Variants in CCDC102B observed in about 807,000 individuals in gnomAD.
The protein encoded by CCDC102B is coiled-coil domain-containing protein 102B.
A neutral mutation model predicts 57.4 loss-of-function variants in CCDC102B; 75 were observed. The ratio of observed to expected loss-of-function variants is 1.31; its 90% CI spans 1.08 to 1.58. CCDC102B has a LOEUF of 1.58. CCDC102B is among the 40% of genes most tolerant of loss of function. The pLI is 0.00. For missense variants in CCDC102B, 636 were observed against 582.6 expected (o/e 1.09, Z -0.94); for synonymous variants, 206 against 201.9 (o/e 1.02, Z -0.17).
rs538341090 is a variant in CCDC102B at position 68,874,522 on chromosome 18, A to C, written c.937-147A>C. ...TATAACAATAAACAGTTCAACCACA[A>C]TCATTACATCATCAGCAACAAGCCT... is the stretch of plus-strand genomic sequence containing the variant. On this transcript the variant is annotated intron_variant, in intron 4 of 7. Transcript: ENST00000360242. 29 of 536,656 alleles carry C rather than the reference A, an allele frequency of 5.4e-5. No individual in the cohort carries two copies. The South Asian group carries it at 5.9e-4, about 11-fold the overall frequency. 33.2% of individuals were successfully genotyped at this position (536,656 alleles called of 1,614,324 possible). A position where few individuals can be genotyped will look rare whatever the true frequency, so the allele number is the denominator to read the frequency against.
At chr18:68,815,101 T>C (rs1386821979) in intron 1 of CCDC102B, among the ~76,000 whole-genome samples, 1 of 152,184 alleles carries the variant, frequency 6.6e-6, no homozygotes, top group African/African-American at 2.4e-5. Flanking sequence ...AATCATACAA[T>C]AATAAACATG....
intron 7 of CCDC102B, among the ~76,000 whole-genome samples, chr18:69,020,317 A>C (rs916624334): frequency 6.6e-6 from 1 of 152,158 alleles, no homozygotes; most frequent in Non-Finnish European, 1.5e-5. Context: ...GATGGCATTC[A>C]TGCTTTAAGT....
rs530957083 is a variant in CCDC102B at position 68,748,205 on chromosome 18, G to GGTATGTGTGTGTGT, written c.-67+31613_-67+31614insATGTGTGTGTGTGT. 2.8e-3 allele frequency among the ~76,000 whole-genome samples: 384 copies of GGTATGTGTGTGTGT among 137,590 alleles called. 7 individuals are homozygous for GGTATGTGTGTGTGT. The highest frequency in any genetic ancestry group is 4.3e-3 in the Non-Finnish European group (272 of 63,864). The allele number at this position is 137,590 out of a possible 152,430, so 90.3% of individuals were successfully genotyped here. On this transcript the variant is annotated intron_variant, in intron 2 of 3. Coordinates refer to the CCDC102B transcript ENST00000578970. ...TAGGTACTTTGTCCATTATTAAACT[G>GGTATGTGTGTGTGT]GTGTGTGTGTGTGTGTGTGTGTGTG...
rs1294287157 is a variant in CCDC102B at position 69,051,178 on chromosome 18, C to A, written c.1435-2852C>A. 2.0e-5 allele frequency among the ~76,000 whole-genome samples: 3 copies of A among 152,154 alleles called. No homozygotes were observed. In the East Asian group the frequency reaches 5.8e-4, roughly 29 times the overall value. On this transcript the variant is annotated intron_variant, in intron 7 of 7. Transcript: ENST00000360242. ...AGATTATAGATGTGAGCCTCTTTTCCTGGCCTAATAAGGCAATTTATACTA... is the reference window on the plus strand; with the variant it reads ...AGATTATAGATGTGAGCCTCTTTTCATGGCCTAATAAGGCAATTTATACTA...
chr18:68,838,737 T>G lies in CCDC102B; in HGVS notation c.638T>G (p.Leu213Ter). The change falls in exon 3 of 8, where the codon TTA becomes TGA. Residue 213 changes from leucine (L) to a stop codon, truncating the protein, a stop_gained. Transcript: ENST00000360242. LOFTEE classifies it high-confidence loss of function. ...EQGVVIDSLK[L>*]SEEMKPNLDG... ...GGTGTGGTTATTGATTCTCTAAAAT[T>G]AAGTGAGGAGATGAAGCCCAATCTA... 1.2e-6 allele frequency: 2 copies of G among 1,613,944 alleles called. No homozygotes were observed. Among genetic ancestry groups the G allele is most frequent in the Non-Finnish European group, 1.7e-6 (2 of 1,179,908 alleles).
chr18:69,001,860 T>C (rs1245564961), intron 6 of CCDC102B, among the ~76,000 whole-genome samples: 1 of 152,186 alleles, frequency 6.6e-6, no homozygotes, highest in Non-Finnish European at 1.5e-5. Flanking sequence ...TTGATTAATA[T>C]TCATCCCCTT....
At chr18:68,960,234 C>G (rs1181282277) in intron 6 of CCDC102B, among the ~76,000 whole-genome samples, 2 of 152,132 alleles carry the variant, frequency 1.3e-5, no homozygotes, top group Non-Finnish European at 2.9e-5. Context: ...CTGTATCCTT[C>G]CCTTTAAGGC....
intron 2 of CCDC102B, among the ~76,000 whole-genome samples, chr18:68,751,506 A>G (rs1026272448): frequency 4.6e-5 from 7 of 152,154 alleles, no homozygotes; most frequent in Non-Finnish European, 8.8e-5. Flanking sequence ...ACAAAACCAG[A>G]GCCCTGAATA....
chr18:68,928,885 G>GGAAA (rs2041569749), intron 6 of CCDC102B, among the ~76,000 whole-genome samples: 1 of 151,696 alleles, frequency 6.6e-6, no homozygotes, highest in Non-Finnish European at 1.5e-5. Flanking sequence ...GAGGAGTCGT[G>GGAAA]GTATCTAACC....
At chr18:69,002,203 A>G (rs2051221628) in intron 6 of CCDC102B, among the ~76,000 whole-genome samples, 1 of 152,212 alleles carries the variant, frequency 6.6e-6, no homozygotes, top group Non-Finnish European at 1.5e-5. Flanking sequence ...GAAAATCAGG[A>G]TGGCTTCAAT....
intron 2 of CCDC102B, among the ~76,000 whole-genome samples, chr18:68,774,470 T>C (rs1409878514): frequency 6.6e-6 from 1 of 152,058 alleles, no homozygotes; most frequent in East Asian, 1.9e-4. Flanking sequence ...AATGGTAGCA[T>C]TAGCTTATCA....
chr18:69,040,993 A>T (rs1341113171), intron 7 of CCDC102B, among the ~76,000 whole-genome samples: 1 of 152,036 alleles, frequency 6.6e-6, no homozygotes, highest in Non-Finnish European at 1.5e-5. Context: ...TCCTGCCATT[A>T]CTGTTGCTGT....
chr18:68,902,208 T>A (rs2040479192), intron 6 of CCDC102B: 1 of 152,254 alleles, frequency 6.6e-6, no homozygotes, highest in Non-Finnish European at 1.5e-5. Flanking sequence ...TTTGAATTAC[T>A]TCATGCTTTC....
chr18:68,856,547 C>T (rs1313689590), intron 4 of CCDC102B, among the ~76,000 whole-genome samples: 1 of 152,186 alleles, frequency 6.6e-6, no homozygotes, highest in Non-Finnish European at 1.5e-5. Context: ...GATCTTCCCA[C>T]ATTGGCCTCC....
intron 6 of CCDC102B, among the ~76,000 whole-genome samples, chr18:69,009,773 T>C (rs757085077): frequency 1.3e-5 from 2 of 151,746 alleles, no homozygotes; most frequent in Non-Finnish European, 2.9e-5. Flanking sequence ...ACCAATGCAT[T>C]TTTTTATTAT....
chr18:68,800,911 ACTT>A (rs1324449052), intron 1 of CCDC102B, among the ~76,000 whole-genome samples: 1 of 152,148 alleles, frequency 6.6e-6, no homozygotes, highest in Admixed American at 6.6e-5. Flanking sequence ...TAAAGACATT[ACTT>A]CTTCTCAAAG....
At chr18:68,996,221 A>G (rs1416093004) in intron 6 of CCDC102B, among the ~76,000 whole-genome samples, 1 of 152,200 alleles carries the variant, frequency 6.6e-6, no homozygotes, top group East Asian at 1.9e-4. Context: ...AAAAGCAGGC[A>G]GAGGAACATG....
chr18:68,930,708 G>A (rs1479255098), intron 6 of CCDC102B, among the ~76,000 whole-genome samples: 1 of 151,946 alleles, frequency 6.6e-6, no homozygotes, highest in Non-Finnish European at 1.5e-5. Context: ...AAAATTGTGA[G>A]CACTGATTGA....
At chr18:68,717,105 G>A (rs1051771499) in intron 2 of CCDC102B, among the ~76,000 whole-genome samples, 6 of 151,684 alleles carry the variant, frequency 4.0e-5, no homozygotes, top group African/African-American at 1.5e-4. Context: ...TTAGCCAGAT[G>A]TGGTGGCACA....
Sources: gnomAD v4.1 joint callset for allele counts (sites outside exome capture counted in the v4.1 genomes callset) on GRCh38, gnomAD v4.1.1 for gene constraint, MANE v1.5 for transcripts, NCBI Gene and HGNC (gene_info 2026-07-23, HGNC 2026-07-21) for gene names.